Variants in RAB8B observed in about 807,000 individuals in gnomAD.
The protein encoded by RAB8B is ras-related protein Rab-8B.
In RAB8B, 11 loss-of-function variants were observed where a neutral mutation model predicts 32.0. The ratio of observed to expected loss-of-function variants is 0.34; its 90% CI spans 0.22 to 0.57. The LOEUF (loss-of-function observed/expected upper bound fraction) is 0.57, where lower values mean the gene tolerates loss of function less well. Ranked by LOEUF, RAB8B falls within the 20% of genes least tolerant of loss-of-function variation. RAB8B has a pLI of 0.86. For missense variants in RAB8B, 190 were observed against 258.5 expected, an observed-to-expected ratio of 0.73 and a Z score of 1.82; for synonymous variants, 103 against 89.6, an observed-to-expected ratio of 1.15 and a Z score of -0.85.
intron 1 of RAB8B, among the ~76,000 whole-genome samples, chr15:63,222,777 GTGATCCTCCC>G (rs2037855469): frequency 6.6e-6 from 1 of 152,326 alleles, no homozygotes; most frequent in South Asian, 2.1e-4. Context: ...CTGACCTCAA[GTGATCCTCCC>G]GCTTTGGCCT....
rs1405525274 is a variant in RAB8B at position 63,256,486 on chromosome 15, T to C, written c.325-19T>C. 6.4e-7 allele frequency: 1 copy of C among 1,566,266 alleles called. No homozygotes were observed. The highest frequency in any genetic ancestry group is 1.2e-5 in the South Asian group (1 of 83,864). On this transcript the variant is annotated intron_variant, in intron 4 of 7. Coordinates refer to ENST00000321437, the MANE Select transcript of RAB8B (RefSeq NM_016530.3). ...TTTTTCTCAGGCTGTTTTTATAGCA[T>C]GCTATTTTCTCCCTGCAGCATGCCT...
chr15:63,208,547 T>G (rs1321441067), intron 1 of RAB8B, among the ~76,000 whole-genome samples: 1 of 152,224 alleles, frequency 6.6e-6, no homozygotes, highest in Non-Finnish European at 1.5e-5. Flanking sequence ...TCTTTTATTC[T>G]CACTACCACC....
chr15:63,208,192 C>T (rs1259363208), intron 1 of RAB8B, among the ~76,000 whole-genome samples: 1 of 152,178 alleles, frequency 6.6e-6, no homozygotes, highest in African/African-American at 2.4e-5. Flanking sequence ...CTATATCTCT[C>T]TCTGTTTTTT....
intron 1 of RAB8B, among the ~76,000 whole-genome samples, chr15:63,221,459 A>C (rs558977203): frequency 1.3e-5 from 2 of 152,192 alleles, no homozygotes; most frequent in South Asian, 4.1e-4. Context: ...CCTTTGAGCT[A>C]TATTAGTACT....
In RAB8B at chr15:63,223,415, T is replaced by A. The variant is rs556678485; in HGVS notation, c.125-21341T>A. ...ATGAGCCACTGGGCCCAGCCACCAT[T>A]TTTTATCTTTTATACCATGTTTTTA... On this transcript the variant is annotated intron_variant, in intron 1 of 7. Transcript: ENST00000321437. Among the ~76,000 whole-genome samples, 148 of 152,186 alleles carry A rather than the reference T, an allele frequency of 9.7e-4. 1 individual carries two copies. Among genetic ancestry groups the A allele is most frequent in the Non-Finnish European group, 1.8e-3 (121 of 68,022 alleles).
chr15:63,252,662 T>C (rs2038126048), intron 3 of RAB8B, among the ~76,000 whole-genome samples: 1 of 152,232 alleles, frequency 6.6e-6, no homozygotes, highest in African/African-American at 2.4e-5. Flanking sequence ...CAGAATCCAC[T>C]TTGAATTGTT....
rs146981058 is a variant in RAB8B, at chr15:63,202,089, TAAAAAAAA to T, written c.124+12364_124+12371del. Among the ~76,000 whole-genome samples the T allele has an allele frequency of 1.4e-4, 12 of 85,748 alleles. No individual in the cohort carries two copies. In the South Asian group the frequency reaches 1.9e-3, roughly 14 times the overall value. 56.3% of individuals were successfully genotyped at this position (85,748 alleles called of 152,430 possible). Reference sequence around the variant, plus strand: ...TAACACGGTGAAACCCCGTCTCTACTAAAAAAAAAAAAAAAAAAAAAAAAAAAAAATAC... The same window carrying T: ...TAACACGGTGAAACCCCGTCTCTACTAAAAAAAAAAAAAAAAAAAAAATAC... On this transcript the variant is annotated intron_variant, in intron 1 of 7. Transcript: ENST00000321437.
intron 3 of RAB8B, among the ~76,000 whole-genome samples, chr15:63,251,821 A>G (rs2038118858): frequency 6.6e-6 from 1 of 151,740 alleles, no homozygotes; most frequent in African/African-American, 2.4e-5. Context: ...GCTGTGCCTG[A>G]CTCTTGGATC....
At position 63,238,821 on chromosome 15, in the gene RAB8B, C is replaced by A. The variant is rs547873849; in HGVS notation, c.125-5935C>A. Among the ~76,000 whole-genome samples, 9 of 152,226 alleles carry A rather than the reference C, an allele frequency of 5.9e-5. No individual in the cohort carries two copies. The East Asian group carries it at 1.7e-3, about 29-fold the overall frequency. ...TTAGATTAATCCAATCTTGGTAATT[C>A]CCCGTGGCAGTGATTAGTTCAGGAA... On this transcript the variant is annotated intron_variant, in intron 1 of 7. Coordinates refer to ENST00000321437, the MANE Select transcript of RAB8B (RefSeq NM_016530.3).
At chr15:63,217,263 C>T (rs556414313) in intron 1 of RAB8B, among the ~76,000 whole-genome samples, 1 of 152,116 alleles carries the variant, frequency 6.6e-6, no homozygotes, top group Non-Finnish European at 1.5e-5. Context: ...TAGGATTGTT[C>T]TATATAATTA....
intron 1 of RAB8B, among the ~76,000 whole-genome samples, chr15:63,225,348 G>T (rs1409510501): frequency 6.6e-6 from 1 of 152,200 alleles, no homozygotes; most frequent in African/African-American, 2.4e-5. Flanking sequence ...TGCTAGGAGA[G>T]AATGCAAAAG....
At chr15:63,258,681 T>G (rs1482319970) in intron 5 of RAB8B, among the ~76,000 whole-genome samples, 3 of 152,100 alleles carry the variant, frequency 2.0e-5, no homozygotes, top group Non-Finnish European at 2.9e-5. Context: ...TTTTCTGGGG[T>G]TTAAATACCC....
intron 1 of RAB8B, among the ~76,000 whole-genome samples, chr15:63,205,008 A>G (rs2037686610): frequency 6.6e-6 from 1 of 152,156 alleles, no homozygotes; most frequent in Admixed American, 6.5e-5. Flanking sequence ...AAAAAAAATA[A>G]GAAAATTGGC....
At chr15:63,228,046 C>T (rs1269520163) in intron 1 of RAB8B, among the ~76,000 whole-genome samples, 2 of 151,714 alleles carry the variant, frequency 1.3e-5, no homozygotes, top group African/African-American at 4.9e-5. Context: ...CTTTGTCACC[C>T]ACGCTGGAGC....
intron 1 of RAB8B, among the ~76,000 whole-genome samples, chr15:63,203,556 A>G (rs2037670429): frequency 6.6e-6 from 1 of 152,232 alleles, no homozygotes; most frequent in Admixed American, 6.5e-5. Context: ...AGACAGCTGT[A>G]AGAACCTTGG....
intron 1 of RAB8B, among the ~76,000 whole-genome samples, chr15:63,202,568 T>G (rs2037662145): frequency 6.6e-6 from 1 of 152,190 alleles, no homozygotes; most frequent in Non-Finnish European, 1.5e-5. Flanking sequence ...AGGAAACTAA[T>G]TGTATCAGAA....
At chr15:63,224,684 C>A (rs2037874264) in intron 1 of RAB8B, among the ~76,000 whole-genome samples, 1 of 152,168 alleles carries the variant, frequency 6.6e-6, no homozygotes, top group Admixed American at 6.5e-5. Flanking sequence ...GCTCAAAGAA[C>A]TAATTCCTAA....
intron 7 of RAB8B, 37 bp downstream of exon 7, chr15:63,262,779 G>A (rs368210227): frequency 1.8e-6 from 2 of 1,127,298 alleles, no homozygotes; most frequent in Non-Finnish European, 2.4e-6. Flanking sequence ...CCATTATGCT[G>A]TCTGTTTGGC....
intron 1 of RAB8B, among the ~76,000 whole-genome samples, chr15:63,215,084 C>A (rs932113162): frequency 2.6e-5 from 4 of 152,120 alleles, no homozygotes; most frequent in Non-Finnish European, 5.9e-5. Flanking sequence ...TCAATAACTA[C>A]CAACAGGGGC....
Sources: gnomAD v4.1 joint callset for allele counts (sites outside exome capture counted in the v4.1 genomes callset) on GRCh38, gnomAD v4.1.1 for gene constraint, MANE v1.5 for transcripts, NCBI Gene and HGNC (gene_info 2026-07-23, HGNC 2026-07-21) for gene names.